The following GRID2 variants were observed in gnomAD, a reference collection of about 807,000 sequenced individuals.
GRID2 encodes the protein glutamate ionotropic receptor delta type subunit 2.
A neutral mutation model predicts 114.8 loss-of-function variants in GRID2; 33 were observed. The ratio of observed to expected loss-of-function variants is 0.29; its 90% CI spans 0.22 to 0.38. The LOEUF (loss-of-function observed/expected upper bound fraction) is 0.38, where lower values mean the gene tolerates loss of function less well. GRID2 is among the 10% of genes least tolerant of loss of function. The pLI, the probability that GRID2 is intolerant of heterozygous loss-of-function variation, is 1.00. For missense variants in GRID2, 1,184 were observed against 1,257.7 expected, an observed-to-expected ratio of 0.94 and a Z score of 0.89; for synonymous variants, 505 against 449.9, an observed-to-expected ratio of 1.12 and a Z score of -1.55.
intron 1 of GRID2, among the ~76,000 whole-genome samples, chr4:92,530,507 A>AG (rs781625549): frequency 8.7e-6 from 1 of 114,626 alleles, no homozygotes; most frequent in African/African-American, 3.5e-5. Flanking sequence ...TGACTAGTAC[A>AG]GAAAAAAAAA....
chr4:93,591,654 T>C (rs1318517408), intron 13 of GRID2, among the ~76,000 whole-genome samples: 7 of 152,002 alleles, frequency 4.6e-5, no homozygotes, highest in South Asian at 2.1e-4. Context: ...CTTGTACCTC[T>C]GGTAGAATTC....
At chr4:93,692,858 G>A (rs1044502653) in intron 14 of GRID2, among the ~76,000 whole-genome samples, 1 of 152,096 alleles carries the variant, frequency 6.6e-6, no homozygotes, top group African/African-American at 2.4e-5. Context: ...TTCACTACAC[G>A]ACAGTTTAAC....
chr4:93,093,977 A>G (rs919272230), intron 3 of GRID2, among the ~76,000 whole-genome samples: 1 of 152,022 alleles, frequency 6.6e-6, no homozygotes, highest in Non-Finnish European at 1.5e-5. Context: ...CTATATCTTC[A>G]TGGGTAACAC....
chr4:92,829,267 T>C (rs1424963856), intron 2 of GRID2, among the ~76,000 whole-genome samples: 2 of 152,134 alleles, frequency 1.3e-5, no homozygotes, highest in East Asian at 1.9e-4. Context: ...ATTTATTAAA[T>C]AGGGAATCCT....
intron 14 of GRID2, among the ~76,000 whole-genome samples, chr4:93,722,465 C>T (rs2110198004): frequency 6.6e-6 from 1 of 152,280 alleles, no homozygotes; most frequent in South Asian, 2.1e-4. Context: ...CTAATCAACA[C>T]ATCAGTGTCA....
chr4:93,782,220 A>G (rs1734494738), intron 1 of GRID2, among the ~76,000 whole-genome samples: 1 of 152,074 alleles, frequency 6.6e-6, no homozygotes, highest in Non-Finnish European at 1.5e-5. Flanking sequence ...CTTGGCTTCT[A>G]GTGATTTAGA....
intron 2 of GRID2, among the ~76,000 whole-genome samples, chr4:92,832,273 T>C (rs1013384234): frequency 2.6e-5 from 4 of 151,932 alleles, no homozygotes; most frequent in Non-Finnish European, 4.4e-5. Context: ...AACACGATCT[T>C]TACTAAAAAT....
At chr4:92,426,381 C>T (rs1473871552) in intron 1 of GRID2, among the ~76,000 whole-genome samples, 1 of 152,070 alleles carries the variant, frequency 6.6e-6, no homozygotes, top group African/African-American at 2.4e-5. Flanking sequence ...AAGGTATATG[C>T]TTTGCTTAAG....
chr4:92,613,533 G>A (rs1181974370), intron 2 of GRID2, among the ~76,000 whole-genome samples: 1 of 151,430 alleles, frequency 6.6e-6, no homozygotes, highest in African/African-American at 2.4e-5. Flanking sequence ...TTAGCAGTAT[G>A]TTCTGAAGAC....
intron 14 of GRID2, among the ~76,000 whole-genome samples, chr4:93,629,494 AT>A (rs1019773288): frequency 6.6e-5 from 10 of 152,016 alleles, no homozygotes; most frequent in Admixed American, 1.3e-4. Flanking sequence ...CATTTGTTCC[AT>A]TTTTTTATAG....
At chr4:93,755,284 A>C (rs1732647765) in intron 14 of GRID2, among the ~76,000 whole-genome samples, 1 of 152,230 alleles carries the variant, frequency 6.6e-6, no homozygotes, top group Admixed American at 6.5e-5. Flanking sequence ...CTAAAGTAAT[A>C]GATAAGTCTC....
intron 4 of GRID2, among the ~76,000 whole-genome samples, chr4:93,194,655 C>T (rs1212733250): frequency 6.6e-6 from 1 of 152,156 alleles, no homozygotes; most frequent in Non-Finnish European, 1.5e-5. Context: ...CTGGTACATT[C>T]TTCAGGTGCT....
chr4:92,801,448 A>C (rs1277669497), intron 2 of GRID2, among the ~76,000 whole-genome samples: 2 of 151,984 alleles, frequency 1.3e-5, no homozygotes, highest in Admixed American at 6.6e-5. Context: ...TTCCACCCCC[A>C]TTAAGGTAAA....
intron 2 of GRID2, among the ~76,000 whole-genome samples, chr4:92,676,077 A>G (rs1004661802): frequency 1.3e-5 from 2 of 151,566 alleles, no homozygotes; most frequent in African/African-American, 2.4e-5. Flanking sequence ...CATAAATATA[A>G]CTAGCACTTT....
At chr4:92,364,561 T>C (rs780960684) in intron 1 of GRID2, among the ~76,000 whole-genome samples, 63 of 151,456 alleles carry the variant, frequency 4.2e-4, no homozygotes, top group Non-Finnish European at 8.0e-4. Flanking sequence ...AATCAAAAGA[T>C]TTTTTTTTCA....
chr4:93,772,029 A>G, intron 15 of GRID2, 47 bp from the exon 16 acceptor site: 4 of 1,142,888 alleles, frequency 3.5e-6, no homozygotes, highest in Non-Finnish European at 5.1e-6. Flanking sequence ...TTTAACCATC[A>G]AAGCTAGTAC....
At chr4:93,674,384 T>C (rs1724676255) in intron 14 of GRID2, among the ~76,000 whole-genome samples, 1 of 152,328 alleles carries the variant, frequency 6.6e-6, no homozygotes, top group South Asian at 2.1e-4. Context: ...TCAGGTACAA[T>C]GCTGTGCAGT....
intron 11 of GRID2, among the ~76,000 whole-genome samples, chr4:93,486,389 G>T (rs527779756): frequency 6.6e-6 from 1 of 151,424 alleles, no homozygotes; most frequent in South Asian, 2.1e-4. Flanking sequence ...CCAATTCAAT[G>T]CTGAATAGAA....
intron 2 of GRID2, among the ~76,000 whole-genome samples, chr4:92,626,382 T>C (rs1730522736): frequency 6.6e-6 from 1 of 152,020 alleles, no homozygotes; most frequent in African/African-American, 2.4e-5. Flanking sequence ...TGGGGTTTTC[T>C]CTCAGGTTGT....
Sources: allele counts gnomAD v4.1 joint callset (sites outside exome capture counted in the v4.1 genomes callset), GRCh38; gene constraint gnomAD v4.1.1; transcripts MANE v1.5; gene names NCBI Gene and HGNC (gene_info 2026-07-23, HGNC 2026-07-21).